The following L3MBTL4 variants were observed in gnomAD, a reference collection of about 807,000 sequenced individuals.
The protein encoded by L3MBTL4 is lethal(3)malignant brain tumor-like protein 4.
In L3MBTL4, 70 loss-of-function variants were observed where a neutral mutation model predicts 84.5. The observed-to-expected ratio is 0.83, with a 90% CI of 0.68 to 1.01. The LOEUF is 1.01. Ranked by LOEUF, L3MBTL4 falls within the 50% of genes least tolerant of loss-of-function variation. The pLI, the probability that L3MBTL4 is intolerant of heterozygous loss-of-function variation, is 0.00. For synonymous variants in L3MBTL4, 274 were observed against 259.8 expected, an observed-to-expected ratio of 1.05 and a Z score of -0.52; for missense variants, 715 against 754.8, an observed-to-expected ratio of 0.95 and a Z score of 0.62.
chr18:6,355,415 G>A (rs893430016), intron 1 of L3MBTL4, among the ~76,000 whole-genome samples: 4 of 151,412 alleles, frequency 2.6e-5, no homozygotes, highest in Non-Finnish European at 5.9e-5. Flanking sequence ...GATAAGGCAA[G>A]CATATTTGTT....
intron 12 of L3MBTL4, among the ~76,000 whole-genome samples, chr18:6,192,395 C>T (rs2045152598): frequency 6.6e-6 from 1 of 151,962 alleles, no homozygotes; most frequent in African/African-American, 2.4e-5. Flanking sequence ...GGGGGTGCTT[C>T]ATTAGAAATG....
chr18:6,343,212 C>T (rs189385864), intron 1 of L3MBTL4, among the ~76,000 whole-genome samples: 10 of 152,202 alleles, frequency 6.6e-5, no homozygotes, highest in Non-Finnish European at 8.8e-5. Flanking sequence ...AAGGGAACAA[C>T]GAAATTCAGC....
intron 10 of L3MBTL4, among the ~76,000 whole-genome samples, chr18:6,234,530 A>G (rs1473542574): frequency 6.6e-6 from 1 of 152,246 alleles, no homozygotes; most frequent in Non-Finnish European, 1.5e-5. Flanking sequence ...ACTTCTCAAA[A>G]GAAGATATTT....
At chr18:6,016,245 T>C (rs904300143) in intron 16 of L3MBTL4, among the ~76,000 whole-genome samples, 4 of 152,144 alleles carry the variant, frequency 2.6e-5, no homozygotes, top group African/African-American at 9.7e-5. Flanking sequence ...ATGGAGCCTT[T>C]GGAAGGGGTC....
At chr18:6,310,827 T>C (rs1370971769) in intron 3 of L3MBTL4, among the ~76,000 whole-genome samples, 2 of 152,212 alleles carry the variant, frequency 1.3e-5, no homozygotes, top group African/African-American at 4.8e-5. Context: ...CTTCTAAGTA[T>C]CTAGATGTTG....
intron 1 of L3MBTL4, among the ~76,000 whole-genome samples, chr18:6,376,816 T>A (rs1207403214): frequency 6.6e-6 from 1 of 152,196 alleles, no homozygotes. Flanking sequence ...GAACAGTGTA[T>A]GGCCCTTGCT....
At chr18:6,047,341 C>A (rs2056666891) in intron 16 of L3MBTL4, among the ~76,000 whole-genome samples, 2 of 152,104 alleles carry the variant, frequency 1.3e-5, no homozygotes, top group Non-Finnish European at 2.9e-5. Flanking sequence ...TAGTACCAAT[C>A]CTACAGAAGC....
chr18:5,995,999 C>T (rs1163525668), intron 16 of L3MBTL4, among the ~76,000 whole-genome samples: 2 of 152,208 alleles, frequency 1.3e-5, no homozygotes, highest in African/African-American at 4.8e-5. Flanking sequence ...GCGTGTGTGG[C>T]TGCAGTATTG....
chr18:6,118,832 C>T (rs568653420), intron 14 of L3MBTL4, among the ~76,000 whole-genome samples: 1 of 152,190 alleles, frequency 6.6e-6, no homozygotes, highest in Admixed American at 6.5e-5. Context: ...ACTAAAGGAA[C>T]ATCAAGTGTT....
intron 4 of L3MBTL4, among the ~76,000 whole-genome samples, chr18:6,269,587 T>C (rs2048781129): frequency 6.6e-6 from 1 of 152,222 alleles, no homozygotes; most frequent in Non-Finnish European, 1.5e-5. Flanking sequence ...ATTCTAACAA[T>C]GCAAAAGGAA....
chr18:6,174,573 T>A lies in L3MBTL4; in HGVS notation c.982-2631A>T, dbSNP rs186583163. Among the ~76,000 whole-genome samples, 8 of 152,216 alleles carry A rather than the reference T, an allele frequency of 5.3e-5. No homozygotes were observed. The East Asian group carries it at 9.7e-4, about 18-fold the overall frequency. On this transcript the variant is annotated intron_variant, in intron 12 of 18. Transcript: ENST00000317931. Reference sequence around the variant, plus strand: ...AACAGATTCATAGAAGTTATTAACCTAAAGAACAGATGATGTTCCGGTGTG... The same window carrying A: ...AACAGATTCATAGAAGTTATTAACCAAAAGAACAGATGATGTTCCGGTGTG...
chr18:6,287,826 T>C (rs2049668005), intron 4 of L3MBTL4, among the ~76,000 whole-genome samples: 1 of 152,168 alleles, frequency 6.6e-6, no homozygotes, highest in Non-Finnish European at 1.5e-5. Flanking sequence ...CTTTATAAGA[T>C]TACCTATTTA....
At chr18:6,099,585 A>AATATATATATAT (rs36091567) in intron 14 of L3MBTL4, among the ~76,000 whole-genome samples, 773 of 64,718 alleles carry the variant, frequency 0.012, 169 homozygotes, top group East Asian at 0.1. Flanking sequence ...AGATAATGTA[A>AATATATATATAT]ATATATATAT....
intron 5 of L3MBTL4, among the ~76,000 whole-genome samples, chr18:6,251,311 C>T (rs967195224): frequency 1.3e-5 from 2 of 152,124 alleles, no homozygotes; most frequent in Non-Finnish European, 2.9e-5. Flanking sequence ...TGCGAGAAAC[C>T]GCCAAACACT....
At chr18:6,010,966 C>T (rs897603445) in intron 16 of L3MBTL4, among the ~76,000 whole-genome samples, 1 of 152,190 alleles carries the variant, frequency 6.6e-6, no homozygotes, top group Non-Finnish European at 1.5e-5. Context: ...TTCCAAAATA[C>T]AGAATGCAAG....
At chr18:6,304,206 G>C (rs1036155092) in intron 3 of L3MBTL4, among the ~76,000 whole-genome samples, 2 of 151,924 alleles carry the variant, frequency 1.3e-5, no homozygotes, top group African/African-American at 4.8e-5. Flanking sequence ...ATGGTTTTAA[G>C]GTATAAAAGA....
chr18:5,989,788 C>T (rs2053608534), intron 16 of L3MBTL4, among the ~76,000 whole-genome samples: 1 of 152,192 alleles, frequency 6.6e-6, no homozygotes, highest in Admixed American at 6.5e-5. Flanking sequence ...ACTGTTTGCT[C>T]CTGGAGGCTG....
intron 12 of L3MBTL4, among the ~76,000 whole-genome samples, chr18:6,183,648 G>A (rs1245348756): frequency 1.3e-5 from 2 of 152,152 alleles, no homozygotes; most frequent in East Asian, 3.8e-4. Flanking sequence ...TTCTAAATAA[G>A]AACAGTAAGA....
At chr18:6,042,016 C>T (rs983257869) in intron 16 of L3MBTL4, among the ~76,000 whole-genome samples, 3 of 152,112 alleles carry the variant, frequency 2.0e-5, no homozygotes, top group Admixed American at 6.5e-5. Flanking sequence ...AACTACCACC[C>T]GGCCATCTGT....
Sources: gnomAD v4.1 joint callset for allele counts (sites outside exome capture counted in the v4.1 genomes callset) on GRCh38, gnomAD v4.1.1 for gene constraint, MANE v1.5 for transcripts, NCBI Gene and HGNC (gene_info 2026-07-23, HGNC 2026-07-21) for gene names.